The following HUNK variants were observed in gnomAD, a reference collection of about 807,000 sequenced individuals.
The protein encoded by HUNK is hormonally up-regulated Neu-associated kinase, also known as hormonally up-regulated neu tumor-associated kinase.
Under a neutral mutation model 61.0 loss-of-function variants are expected in HUNK, and 21 were observed. The ratio of observed to expected loss-of-function variants is 0.34; its 90% CI spans 0.24 to 0.50. The LOEUF is 0.50. Among genes scored for constraint, HUNK ranks in the 20% least tolerant of loss-of-function variants. HUNK has a pLI of 0.98. For synonymous variants in HUNK, 371 were observed against 386.1 expected (o/e 0.96, Z 0.46); for missense variants, 772 against 945.7 (o/e 0.82, Z 2.41).
intron 8 of HUNK, among the ~76,000 whole-genome samples, chr21:31,984,867 C>T (rs1442107166): frequency 6.6e-6 from 1 of 152,204 alleles, no homozygotes; most frequent in Non-Finnish European, 1.5e-5. Context: ...CTAATGAAGA[C>T]ATACCCGAGA....
At chr21:31,975,864 G>A (rs1406760958) in intron 7 of HUNK, among the ~76,000 whole-genome samples, 1 of 152,204 alleles carries the variant, frequency 6.6e-6, no homozygotes, top group Non-Finnish European at 1.5e-5. Context: ...TCTTTTGTTA[G>A]CAAATGGATT....
chr21:31,944,760 T>G (rs2123830354), intron 3 of HUNK, among the ~76,000 whole-genome samples: 1 of 152,310 alleles, frequency 6.6e-6, no homozygotes, highest in African/African-American at 2.4e-5. Flanking sequence ...CCTCTTATAG[T>G]TTGGGCTGAA....
chr21:31,979,061 G>A (rs567546100), intron 7 of HUNK, among the ~76,000 whole-genome samples: 1 of 150,594 alleles, frequency 6.6e-6, no homozygotes, highest in South Asian at 2.1e-4. Context: ...GCTTTAATTT[G>A]CATTTCCCTT....
At chr21:31,961,420 G>A (rs1601399825) in intron 5 of HUNK, among the ~76,000 whole-genome samples, 1 of 152,204 alleles carries the variant, frequency 6.6e-6, no homozygotes, top group Non-Finnish European at 1.5e-5. Flanking sequence ...GCCTAAGAGT[G>A]AAATTGCTGG....
chr21:31,884,066 C>T (rs551240701), intron 1 of HUNK, among the ~76,000 whole-genome samples: 1 of 152,292 alleles, frequency 6.6e-6, no homozygotes, highest in African/African-American at 2.4e-5. Flanking sequence ...TTAAGTAAGA[C>T]AACTGTGAGT....
chr21:31,958,762 G>A (rs957560889), intron 4 of HUNK, 81 bp from the exon 5 acceptor site: 130 of 1,365,308 alleles, frequency 9.5e-5, no homozygotes, highest in Non-Finnish European at 1.1e-4. Context: ...CAGCTCCCAC[G>A]CTTCGGTGAA....
intron 10 of HUNK, among the ~76,000 whole-genome samples, chr21:31,996,339 A>G (rs1056707663): frequency 6.6e-6 from 1 of 152,184 alleles, no homozygotes; most frequent in Non-Finnish European, 1.5e-5. Flanking sequence ...GAGACCGGGT[A>G]TCTCCCTGAG....
chr21:31,955,134 C>T (rs1043899010), intron 4 of HUNK, among the ~76,000 whole-genome samples: 14 of 152,280 alleles, frequency 9.2e-5, no homozygotes, highest in Admixed American at 3.9e-4. Context: ...TGCCACTGGT[C>T]TGAGGACGAA....
At chr21:31,972,832 T>C (rs1301223048) in intron 6 of HUNK, among the ~76,000 whole-genome samples, 3 of 152,164 alleles carry the variant, frequency 2.0e-5, no homozygotes, top group African/African-American at 7.2e-5. Flanking sequence ...GGGACAGCAC[T>C]TAGGCAAAAG....
At chr21:31,897,793 A>C (rs2052435374) in intron 1 of HUNK, among the ~76,000 whole-genome samples, 1 of 152,178 alleles carries the variant, frequency 6.6e-6, no homozygotes, top group Non-Finnish European at 1.5e-5. Flanking sequence ...CAGGGCTAAA[A>C]GGTAGACTGC....
intron 8 of HUNK, 42 bp downstream of exon 8, chr21:31,983,651 G>C: frequency 7.2e-7 from 1 of 1,397,334 alleles, no homozygotes; most frequent in Non-Finnish European, 1.0e-6. Context: ...TCTTAGGAAG[G>C]GTGGATTTCC....
chr21:31,882,886 G>C (rs1223575004), intron 1 of HUNK, among the ~76,000 whole-genome samples: 2 of 152,062 alleles, frequency 1.3e-5, no homozygotes, highest in Non-Finnish European at 2.9e-5. Flanking sequence ...AATATGTCTT[G>C]AGCATTCTTC....
intron 1 of HUNK, among the ~76,000 whole-genome samples, chr21:31,876,213 G>C (rs1429410189): frequency 6.6e-6 from 1 of 152,156 alleles, no homozygotes; most frequent in East Asian, 1.9e-4. Context: ...TAAGGATGGT[G>C]GTTCTTTGGG....
chr21:31,907,175 AAAAC>A (rs991357797), intron 1 of HUNK, among the ~76,000 whole-genome samples: 29 of 152,264 alleles, frequency 1.9e-4, no homozygotes, highest in African/African-American at 7.0e-4. Context: ...CTCCATCTCA[AAAAC>A]AAACAAACAG....
chr21:31,888,508 G>A (rs1234001439), intron 1 of HUNK, among the ~76,000 whole-genome samples: 3 of 152,164 alleles, frequency 2.0e-5, no homozygotes, highest in African/African-American at 4.8e-5. Context: ...AGGCCGAGGC[G>A]GGCAGATCAC....
At chr21:31,990,022 C>T (rs763852629) in intron 8 of HUNK, 107 bp from the exon 9 acceptor site, 12 of 1,029,816 alleles carry the variant, frequency 1.2e-5, no homozygotes, top group East Asian at 2.4e-5. Context: ...CTATGAAAAC[C>T]GAAACGAATA....
intron 2 of HUNK, among the ~76,000 whole-genome samples, chr21:31,938,753 T>C (rs903691300): frequency 3.3e-5 from 5 of 152,024 alleles, no homozygotes; most frequent in African/African-American, 9.7e-5. Context: ...ATGTGTGTGT[T>C]TGTGTGTGTC....
chr21:31,961,386 T>TGAAAA (rs1568935440), intron 5 of HUNK, among the ~76,000 whole-genome samples: 2 of 152,204 alleles, frequency 1.3e-5, no homozygotes. Context: ...TCTGAGAATA[T>TGAAAA]GGTTTCATTT....
chr21:31,978,257 A>T (rs1044506368), intron 7 of HUNK, among the ~76,000 whole-genome samples: 5 of 152,260 alleles, frequency 3.3e-5, no homozygotes, highest in African/African-American at 1.2e-4. Flanking sequence ...TGAAATATAT[A>T]TACATTGTGG....
Sources: allele counts gnomAD v4.1 joint callset (sites outside exome capture counted in the v4.1 genomes callset), GRCh38; gene constraint gnomAD v4.1.1; transcripts MANE v1.5; gene names NCBI Gene and HGNC (gene_info 2026-07-23, HGNC 2026-07-21).